MRO: variants seen among roughly 807,000 people sequenced by gnomAD.
MRO encodes protein maestro.
Under a neutral mutation model 31.0 loss-of-function variants are expected in MRO, and 28 were observed. That is an observed-to-expected ratio of 0.90 (90% confidence interval 0.67 to 1.24). The LOEUF (loss-of-function observed/expected upper bound fraction) is 1.24. Ranked by LOEUF, MRO falls within the 50% of genes most tolerant of loss-of-function variation. The pLI, the probability that MRO is intolerant of heterozygous loss-of-function variation, is 0.00. For synonymous variants in MRO, 108 were observed against 108.4 expected, an observed-to-expected ratio of 1.00 and a Z score of 0.02; for missense variants, 332 against 289.2, an observed-to-expected ratio of 1.15 and a Z score of -1.07.
chr18:50,801,672 C>G (rs1443323427), intron 5 of MRO, among the ~76,000 whole-genome samples, 168 bp from the exon 6 acceptor site: 1 of 151,746 alleles, frequency 6.6e-6, no homozygotes, highest in Non-Finnish European at 1.5e-5. Context: ...GAGATCTGGT[C>G]TAAAGCACTT....
upstream of MRO, among the ~76,000 whole-genome samples, chr18:50,822,482 C>A (rs1440170178): frequency 6.6e-6 from 1 of 152,022 alleles, no homozygotes; most frequent in South Asian, 2.1e-4. Flanking sequence ...GGACTACAGG[C>A]GCCTGCCACC....
rs889934301 is a variant in MRO at position 50,796,962 on chromosome 18, C to A, written c.*2375G>T. On this transcript the variant is annotated 3_prime_UTR_variant, in exon 8 of 8. Coordinates refer to ENST00000398439, the MANE Select transcript of MRO (RefSeq NM_031939.6). Reference sequence around the variant, plus strand: ...AATTTCTGGAAATAGAATTTAAACTCAAAGAGGACTTATGAAGAGCAAAAC... The same window carrying A: ...AATTTCTGGAAATAGAATTTAAACTAAAAGAGGACTTATGAAGAGCAAAAC... 1.3e-5 allele frequency: 2 copies of A among 152,124 alleles called. No homozygotes were observed. The highest frequency in any genetic ancestry group is 6.5e-5 in the Admixed American group (1 of 15,278). 9.4% of individuals were successfully genotyped at this position (152,124 alleles called of 1,614,324 possible).
intron 2 of MRO, among the ~76,000 whole-genome samples, chr18:50,817,507 A>AAAT (rs146819528): frequency 0.13 from 20,275 of 151,244 alleles, 1,361 homozygotes; most frequent in Middle Eastern, 0.15. Context: ...AAATAAAAAT[A>AAAT]AATAATAATA....
chr18:50,799,181 G>T lies in MRO; in HGVS notation c.*156C>A. 1 of 625,546 alleles carries T rather than the reference G, an allele frequency of 1.6e-6. No homozygotes were observed. Among genetic ancestry groups the T allele is most frequent in the East Asian group, 2.7e-5 (1 of 36,952 alleles). 38.7% of individuals were successfully genotyped at this position (625,546 alleles called of 1,614,324 possible). A position where few individuals can be genotyped will look rare whatever the true frequency, so the allele number is the denominator to read the frequency against. On this transcript the variant is annotated 3_prime_UTR_variant, in exon 8 of 8. Transcript: ENST00000398439. ...TTTAGATAAAATCATACAATTCCAT[G>T]TATTATTTTTGCCTTTGATTGCTCT...
chr18:50,799,988 G>C (rs763377058), intron 7 of MRO, 48 bp downstream of exon 7: 4 of 1,355,366 alleles, frequency 3.0e-6, no homozygotes, highest in Non-Finnish European at 2.1e-6. Context: ...TTAACCACCA[G>C]GAGGGCAGGG....
At chr18:50,810,162 G>C (rs1165353579) in intron 2 of MRO, among the ~76,000 whole-genome samples, 1 of 152,104 alleles carries the variant, frequency 6.6e-6, no homozygotes, top group African/African-American at 2.4e-5. Context: ...GTCCAGTCTT[G>C]TCTCAAACTC....
At chr18:50,816,528 T>A (rs1338298385) in intron 2 of MRO, among the ~76,000 whole-genome samples, 1 of 152,148 alleles carries the variant, frequency 6.6e-6, no homozygotes, top group Non-Finnish European at 1.5e-5. Context: ...ATAAAGAAGA[T>A]CATTGTGAAT....
intron 2 of MRO, among the ~76,000 whole-genome samples, chr18:50,813,815 C>G (rs1244306382): frequency 3.3e-5 from 5 of 152,034 alleles, no homozygotes; most frequent in African/African-American, 1.2e-4. Context: ...CAAAGAAGGC[C>G]ACAGACACCA....
At chr18:50,823,205 C>G (rs2144690301), upstream of MRO, among the ~76,000 whole-genome samples, 1 of 152,180 alleles carries the variant, frequency 6.6e-6, no homozygotes, top group East Asian at 1.9e-4. Context: ...CCAAGGCAGA[C>G]AGCCTTGGGA....
chr18:50,809,156 A>AC, intron 3 of MRO, 146 bp downstream of exon 3: 2 of 110,392 alleles, frequency 1.8e-5, no homozygotes, highest in East Asian at 1.6e-4. Context: ...AAAAAAAAAA[A>AC]AAAAAAAAAA....
At chr18:50,801,532 G>T in intron 5 of MRO, 28 bp from the exon 6 acceptor site, 1 of 1,563,464 alleles carries the variant, frequency 6.4e-7, no homozygotes, top group South Asian at 1.2e-5. Flanking sequence ...AAAACAATAA[G>T]AAAGCCAGAT....
Position 50,802,989 on chromosome 18 carries a change from AATGCTTTAAG to A in MRO, c.430-1495_430-1486del, listed in dbSNP as rs1479541474. ...TGTACCCCATTCAAAGCCATACCCTAATGCTTTAAGATGTACAGACACGTAAGACAGATGC... is the reference window on the plus strand; with the variant it reads ...TGTACCCCATTCAAAGCCATACCCTAATGTACAGACACGTAAGACAGATGC... On this transcript the variant is annotated intron_variant, in intron 5 of 7. Coordinates refer to ENST00000398439, the MANE Select transcript of MRO (RefSeq NM_031939.6). 1.2e-4 allele frequency among the ~76,000 whole-genome samples: 18 copies of A among 151,796 alleles called. No homozygotes were observed. In the East Asian group the frequency reaches 2.7e-3, roughly 23 times the overall value.
rs949874289 is a variant in MRO, at chr18:50,797,471, G to A, written c.*1866C>T. On this transcript the variant is annotated 3_prime_UTR_variant, in exon 8 of 8. Transcript: ENST00000398439. ...GACTAAATAAAGACATGAGTATCAG[G>A]AGGCATGACTCATTGGGGGCCACCA... The A allele has an allele frequency of 2.0e-5, 3 of 152,190 alleles. No individual in the cohort carries two copies. Among genetic ancestry groups the A allele is most frequent in the African/African-American group, 7.2e-5 (3 of 41,430 alleles). 9.4% of individuals were successfully genotyped at this position (152,190 alleles called of 1,614,324 possible).
rs991950306 is a variant in MRO at position 50,797,303 on chromosome 18, A to G, written c.*2034T>C. 6.6e-6 allele frequency: 1 copy of G among 152,194 alleles called. No individual in the cohort carries two copies. The highest frequency in any genetic ancestry group is 1.5e-5 in the Non-Finnish European group (1 of 68,068). The allele number at this position is 152,194 out of a possible 1,614,324, so 9.4% of individuals were successfully genotyped here. ...TCAGGCACTCTCATTTGTTCCTGGT[A>G]GTTCAACTCCTTATGTGGCAGCTGG... On this transcript the variant is annotated 3_prime_UTR_variant, in exon 8 of 8. Coordinates refer to ENST00000398439, the MANE Select transcript of MRO (RefSeq NM_031939.6).
chr18:50,810,385 G>A (rs1429164262), intron 2 of MRO, among the ~76,000 whole-genome samples: 1 of 152,208 alleles, frequency 6.6e-6, no homozygotes, highest in Non-Finnish European at 1.5e-5. Flanking sequence ...AGTGAAAAGT[G>A]CAAATCCATG....
chr18:50,809,144 CAAAAAAAAAAAA>C (rs61728184), intron 3 of MRO, among the ~76,000 whole-genome samples, 146 bp downstream of exon 3: 49,271 of 98,832 alleles, frequency 0.5, 10,578 homozygotes, highest in Middle Eastern at 0.66. Flanking sequence ...GACTCCGTCT[CAAAAAAAAAAAA>C]AAAAAAAAAA....
In MRO at chr18:50,801,422, A is replaced by T; in HGVS notation, c.512T>A (p.Phe171Tyr). 1 of 1,612,176 alleles carries T rather than the reference A, an allele frequency of 6.2e-7. No homozygotes were observed. The highest frequency in any genetic ancestry group is 1.1e-5 in the South Asian group (1 of 90,792). The change falls in exon 6 of 8, where the codon TTC (phenylalanine) becomes TAC (tyrosine). Residue 171 changes from phenylalanine (F) to tyrosine (Y), a missense_variant. By Grantham distance (22) the Phe-to-Tyr change is conservative. Transcript: ENST00000398439. ...TCGTGTCTGCTTAACCTGACTGGTG[A>T]AAAATTTTTTCCATTTCCTCCCGGC... ...AFAGRKWKKFFTSQVKQTRDS... is the reference protein window; with the variant it reads ...AFAGRKWKKFYTSQVKQTRDS...
At chr18:50,819,539 C>T (rs573282428) in intron 2 of MRO, 42 bp downstream of exon 2, 40 of 1,549,874 alleles carry the variant, frequency 2.6e-5, no homozygotes, top group Non-Finnish European at 3.2e-5. Flanking sequence ...GCCAGGACGC[C>T]TCCCGCTGCA....
At chr18:50,799,587 C>T (rs56387261) in intron 7 of MRO, among the ~76,000 whole-genome samples, 197 bp from the exon 8 acceptor site, 43,487 of 152,056 alleles carry the variant, frequency 0.29, 7,676 homozygotes, top group Non-Finnish European at 0.41. Context: ...TTGCCATTTA[C>T]ATTGTATGAT....
Sources: allele counts gnomAD v4.1 joint callset (sites outside exome capture counted in the v4.1 genomes callset), GRCh38; gene constraint gnomAD v4.1.1; transcripts MANE v1.5; gene names NCBI Gene and HGNC (gene_info 2026-07-23, HGNC 2026-07-21).